Variants in EYA2 observed in about 807,000 individuals in gnomAD.
The protein encoded by EYA2 is EYA transcriptional coactivator and phosphatase 2.
Under a neutral mutation model 69.2 loss-of-function variants are expected in EYA2, and 31 were observed. The ratio of observed to expected loss-of-function variants is 0.45; its 90% CI spans 0.34 to 0.60. The LOEUF (loss-of-function observed/expected upper bound fraction) is 0.60. EYA2 is among the 20% of genes least tolerant of loss of function. The pLI is 0.02. For missense variants in EYA2, 622 were observed against 701.2 expected (o/e 0.89, Z 1.28); for synonymous variants, 257 against 279.4 (o/e 0.92, Z 0.80).
At chr20:47,063,059 G>T (rs1349528712) in intron 5 of EYA2, among the ~76,000 whole-genome samples, 1 of 152,088 alleles carries the variant, frequency 6.6e-6, no homozygotes, top group Non-Finnish European at 1.5e-5. Flanking sequence ...TTAAATTAAG[G>T]TAAAATTCCC....
intron 5 of EYA2, among the ~76,000 whole-genome samples, chr20:47,028,875 G>A (rs1411502194): frequency 6.6e-6 from 1 of 151,904 alleles, no homozygotes; most frequent in East Asian, 1.9e-4. Context: ...TATATACCGG[G>A]GTAGCCCCAC....
chr20:47,106,280 C>A lies in EYA2; in HGVS notation c.888+9112C>A, dbSNP rs530797885. Reference sequence around the variant, plus strand: ...TGCCTCCCAGCTGTAGCCCCCGGACCTAGCACAGGGCCTGGCACATGGTAG... The same window carrying A: ...TGCCTCCCAGCTGTAGCCCCCGGACATAGCACAGGGCCTGGCACATGGTAG... On this transcript the variant is annotated intron_variant, in intron 9 of 15. Transcript: ENST00000327619. Among the ~76,000 whole-genome samples the A allele has an allele frequency of 1.4e-4, 22 of 152,300 alleles. No homozygotes were observed. The East Asian group carries it at 4.0e-3, about 28-fold the overall frequency.
intron 1 of EYA2, among the ~76,000 whole-genome samples, chr20:46,954,088 G>C (rs1978971952): frequency 6.6e-6 from 1 of 152,160 alleles, no homozygotes; most frequent in African/African-American, 2.4e-5. Context: ...TGCATGTGCT[G>C]CTCTGTCCTG....
intron 1 of EYA2, among the ~76,000 whole-genome samples, chr20:46,941,021 G>A (rs1439824885): frequency 1.3e-5 from 2 of 152,218 alleles, no homozygotes; most frequent in Admixed American, 6.5e-5. Context: ...AATCAACAGT[G>A]GGAAAGGTGC....
intron 9 of EYA2, among the ~76,000 whole-genome samples, chr20:47,114,345 G>A (rs2032834812): frequency 6.6e-6 from 1 of 152,232 alleles, no homozygotes; most frequent in Non-Finnish European, 1.5e-5. Context: ...GCCGGCCACG[G>A]TGGCTCATGC....
At chr20:47,143,799 C>A (rs746650653) in intron 10 of EYA2, among the ~76,000 whole-genome samples, 1 of 152,024 alleles carries the variant, frequency 6.6e-6, no homozygotes, top group African/African-American at 2.4e-5. Context: ...CAAAGGCAAG[C>A]GGAAGCAAAG....
At chr20:47,129,516 G>A (rs1364471899) in intron 9 of EYA2, among the ~76,000 whole-genome samples, 2 of 152,228 alleles carry the variant, frequency 1.3e-5, no homozygotes, top group South Asian at 2.1e-4. Context: ...CAGAGTGGAA[G>A]AGTAGGTGGT....
rs367613142 is a variant in EYA2, at chr20:47,006,812, T to G, written c.298+1728T>G. Among the ~76,000 whole-genome samples the G allele has an allele frequency of 7.6e-4, 115 of 152,316 alleles. 1 individual carries two copies. Among genetic ancestry groups the G allele is most frequent in the Middle Eastern group, 3.4e-3 (1 of 294 alleles). On this transcript the variant is annotated intron_variant, in intron 4 of 15. Coordinates refer to ENST00000327619, the MANE Select transcript of EYA2 (RefSeq NM_005244.5). The stretch of plus-strand genomic sequence containing the variant: ...GGACAAAAGCCCTGCAGACATTTCC[T>G]TTTAGCTTTAGTTTGCCACAGTCCT...
chr20:47,182,316 T>C (rs1415089260), intron 14 of EYA2, among the ~76,000 whole-genome samples: 3 of 150,308 alleles, frequency 2.0e-5, no homozygotes, highest in African/African-American at 7.3e-5. Context: ...CACCTGGCCA[T>C]GCACTATACG....
At chr20:47,036,199 G>A (rs1984700487) in intron 5 of EYA2, among the ~76,000 whole-genome samples, 1 of 152,272 alleles carries the variant, frequency 6.6e-6, no homozygotes, top group African/African-American at 2.4e-5. Context: ...TGGCGTAACC[G>A]GGATCAGGGC....
At chr20:46,914,077 A>G (rs1984779704) in intron 1 of EYA2, among the ~76,000 whole-genome samples, 1 of 152,166 alleles carries the variant, frequency 6.6e-6, no homozygotes, top group Non-Finnish European at 1.5e-5. Context: ...AAATGACAAC[A>G]GGAGAACTCT....
intron 5 of EYA2, among the ~76,000 whole-genome samples, chr20:47,021,019 T>A (rs1430401204): frequency 6.6e-6 from 1 of 152,184 alleles, no homozygotes; most frequent in Admixed American, 6.5e-5. Context: ...TCCTTCCCTA[T>A]GAAATGGGGA....
intron 2 of EYA2, 24 bp downstream of exon 2, chr20:46,990,143 G>A (rs755209926): frequency 7.3e-7 from 1 of 1,365,784 alleles, no homozygotes; most frequent in Non-Finnish European, 1.0e-6. Context: ...TGTGAGTTTG[G>A]GTCAACAGGT....
intron 14 of EYA2, among the ~76,000 whole-genome samples, chr20:47,182,389 A>ACACT (rs2034554070): frequency 6.7e-6 from 1 of 149,860 alleles, no homozygotes. Context: ...GCACTTTGGG[A>ACACT]GGACGAGGCA....
intron 5 of EYA2, among the ~76,000 whole-genome samples, chr20:47,017,749 C>G (rs555797400): frequency 1.2e-4 from 18 of 152,272 alleles, no homozygotes; most frequent in African/African-American, 4.3e-4. Context: ...ACCTTCATGA[C>G]GCTCTCAAGC....
chr20:46,905,081 T>TA (rs959387623), intron 1 of EYA2, among the ~76,000 whole-genome samples: 23 of 151,222 alleles, frequency 1.5e-4, no homozygotes, highest in African/African-American at 3.4e-4. Flanking sequence ...AGTTATAAAT[T>TA]AAAAAAAAGT....
chr20:47,078,983 T>G (rs1307369561), intron 7 of EYA2, among the ~76,000 whole-genome samples: 2 of 152,246 alleles, frequency 1.3e-5, no homozygotes, highest in African/African-American at 2.4e-5. Context: ...AATACTTATT[T>G]TTTTCACTGA....
At chr20:47,002,882 A>G (rs1034406885) in intron 3 of EYA2, among the ~76,000 whole-genome samples, 5 of 152,222 alleles carry the variant, frequency 3.3e-5, no homozygotes, top group African/African-American at 9.6e-5. Context: ...GGTTCCCCCA[A>G]ATAACCCTTT....
intron 5 of EYA2, among the ~76,000 whole-genome samples, chr20:47,056,327 T>C (rs1193035900): frequency 4.6e-5 from 7 of 152,040 alleles, no homozygotes; most frequent in Non-Finnish European, 1.5e-5. Flanking sequence ...GGAGGCTTTG[T>C]CTGCTTTGGG....
Sources: allele counts gnomAD v4.1 joint callset (sites outside exome capture counted in the v4.1 genomes callset), GRCh38; gene constraint gnomAD v4.1.1; transcripts MANE v1.5; gene names NCBI Gene and HGNC (gene_info 2026-07-23, HGNC 2026-07-21).